SPRY3: variants seen among roughly 807,000 people sequenced by gnomAD.
SPRY3 encodes sprouty RTK signaling antagonist 3.
A neutral mutation model predicts 20.2 loss-of-function variants in SPRY3; 15 were observed. That is an observed-to-expected ratio of 0.74 (90% confidence interval 0.50 to 1.14). The LOEUF (loss-of-function observed/expected upper bound fraction) is 1.14, where lower values mean the gene tolerates loss of function less well. Among genes scored for constraint, SPRY3 ranks in the 50% most tolerant of loss-of-function variants. SPRY3 has a pLI of 0.00. For synonymous variants in SPRY3, 143 were observed against 136.5 expected (o/e 1.05, Z -0.33); for missense variants, 364 against 363.9 (o/e 1.00, Z 0.00).
At chrX:155,656,880 T>G (rs1368489147) in exon 2 of SPRY3, among the ~76,000 whole-genome samples, 5 of 111,808 alleles carry the variant, frequency 4.5e-5, no homozygotes, top group African/African-American at 1.6e-4. Flanking sequence ...TGCTGCAGTT[T>G]CCTGGAGGTC....
chrX:155,632,353 C>T (rs1201879600), intron 1 of SPRY3, among the ~76,000 whole-genome samples: 1 of 110,845 alleles, frequency 9.0e-6, no homozygotes, highest in African/African-American at 3.3e-5. Flanking sequence ...TCGCCTAGTG[C>T]TACATTAACA....
At chrX:155,655,279 C>T (rs2067988727) in intron 1 of SPRY3, among the ~76,000 whole-genome samples, 1 of 111,162 alleles carries the variant, frequency 9.0e-6, no homozygotes, top group African/African-American at 3.3e-5. Context: ...TTGTTAGATG[C>T]ATAGTTTGAA....
chrX:155,727,390 CAG>C (rs1291865888), intron 2 of SPRY3, among the ~76,000 whole-genome samples: 13 of 152,166 alleles, frequency 8.5e-5, no homozygotes, highest in Non-Finnish European at 1.5e-5. Context: ...TGATATCCTG[CAG>C]AGTGTTTTCC....
chrX:155,690,975 G>T lies in SPRY3; in HGVS notation c.-282+33950G>T, dbSNP rs186383987. Among the ~76,000 whole-genome samples the T allele has an allele frequency of 6.5e-4, 57 of 87,062 alleles. 8 individuals are homozygous for T. Among genetic ancestry groups the T allele is most frequent in the Non-Finnish European group, 9.2e-4 (43 of 46,593 alleles). The allele number at this position is 87,062 out of a possible 115,157, so 75.6% of individuals were successfully genotyped here. ...TACCAACTTTTTTCAAAGAGCAAAA[G>T]ATTTTAATTTTGATTAAGTTAAATT... On this transcript the variant is annotated intron_variant, in intron 2 of 3. Coordinates refer to ENST00000675360, the Ensembl canonical transcript of SPRY3.
At chrX:155,730,375 G>T (rs2091125171) in intron 2 of SPRY3, among the ~76,000 whole-genome samples, 1 of 152,120 alleles carries the variant, frequency 6.6e-6, no homozygotes, top group South Asian at 2.1e-4. Flanking sequence ...TGCAATGATG[G>T]TTCAACATAT....
At chrX:155,747,099 C>T (rs2091231096) in intron 2 of SPRY3, among the ~76,000 whole-genome samples, 1 of 151,866 alleles carries the variant, frequency 6.6e-6, no homozygotes, top group South Asian at 2.1e-4. Flanking sequence ...AATCACAGGA[C>T]GTCACACTTA....
chrX:155,659,053 A>G (rs1557353294), intron 2 of SPRY3, among the ~76,000 whole-genome samples: 1 of 111,301 alleles, frequency 9.0e-6, no homozygotes, highest in African/African-American at 3.3e-5. Flanking sequence ...GTGATGTATT[A>G]TCTTTTTGAA....
chrX:155,737,689 T>A (rs1382268335), intron 2 of SPRY3, among the ~76,000 whole-genome samples: 1 of 152,152 alleles, frequency 6.6e-6, no homozygotes, highest in Non-Finnish European at 1.5e-5. Flanking sequence ...GGATTGTGAA[T>A]GTGACTGGGG....
At chrX:155,766,169 C>G (rs1569398892) in intron 2 of SPRY3, among the ~76,000 whole-genome samples, 1 of 152,134 alleles carries the variant, frequency 6.6e-6, no homozygotes, top group Non-Finnish European at 1.5e-5. Context: ...ACACATATAC[C>G]TACATACATG....
intron 2 of SPRY3, among the ~76,000 whole-genome samples, chrX:155,671,293 A>ATC (rs782580977): frequency 1.4e-4 from 15 of 109,427 alleles, no homozygotes; most frequent in African/African-American, 2.0e-4. Context: ...CATTTTTTTA[A>ATC]TCTCTCTCTC....
At chrX:155,666,178 G>T (rs2068023991) in intron 2 of SPRY3, among the ~76,000 whole-genome samples, 1 of 111,597 alleles carries the variant, frequency 9.0e-6, no homozygotes, top group Non-Finnish European at 1.9e-5. Flanking sequence ...AAATGTAACT[G>T]GAGGAGACTG....
chrX:155,679,914 A>T (rs2068068706), intron 2 of SPRY3, among the ~76,000 whole-genome samples: 1 of 110,574 alleles, frequency 9.0e-6, no homozygotes, highest in Admixed American at 9.7e-5. Context: ...GAAGACATTC[A>T]AGGCAATGGA....
chrX:155,680,277 T>C (rs1221401720), intron 2 of SPRY3, among the ~76,000 whole-genome samples: 1 of 106,682 alleles, frequency 9.4e-6, no homozygotes, highest in Non-Finnish European at 1.9e-5. Flanking sequence ...ACTCTGGCCC[T>C]AGTATGGAGA....
chrX:155,713,306 T>C (rs2090999908), intron 2 of SPRY3, among the ~76,000 whole-genome samples: 1 of 152,104 alleles, frequency 6.6e-6, no homozygotes, highest in Admixed American at 6.6e-5. Context: ...GTGAGTTTTG[T>C]ACCTTTAAAT....
intron 2 of SPRY3, among the ~76,000 whole-genome samples, chrX:155,744,993 T>C (rs1348916691): frequency 6.6e-6 from 1 of 152,046 alleles, no homozygotes; most frequent in Non-Finnish European, 1.5e-5. Flanking sequence ...CTTTACTAAC[T>C]TCCAATAATA....
rs147011084 is a variant in SPRY3 at position 155,665,856 on chromosome X, C to T, written c.-282+8831C>T. On this transcript the variant is annotated intron_variant, in intron 2 of 3. Coordinates refer to ENST00000675360, the Ensembl canonical transcript of SPRY3. The stretch of plus-strand genomic sequence containing the variant: ...GTAAAATTAACAAAAATTTGGTGTC[C>T]GTTTAATCTCAATAGTGGATATATA... Among the ~76,000 whole-genome samples, 767 of 110,568 alleles carry T rather than the reference C, an allele frequency of 6.9e-3. 6 individuals carry two copies. Among genetic ancestry groups the T allele is most frequent in the African/African-American group, 0.024 (725 of 30,506 alleles).
downstream of SPRY3, chrX:155,778,619 G>C (rs1478697073): frequency 1.2e-5 from 2 of 166,996 alleles, no homozygotes; most frequent in Admixed American, 6.6e-5. Flanking sequence ...ATTATATTGA[G>C]AGCGCTCTTC....
At chrX:155,781,508 C>T (rs1250530607), downstream of SPRY3, 1 of 166,928 alleles carries the variant, frequency 6.0e-6, no homozygotes, top group African/African-American at 2.4e-5. Context: ...TACTCATAAC[C>T]ACACCGTGAG....
intron 1 of SPRY3, among the ~76,000 whole-genome samples, chrX:155,620,785 C>G (rs1381787979): frequency 9.0e-6 from 1 of 111,594 alleles, no homozygotes; most frequent in African/African-American, 3.3e-5. Context: ...TGTCAAAACT[C>G]GTTGACTTGT....
Sources: allele counts gnomAD v4.1 joint callset (sites outside exome capture counted in the v4.1 genomes callset), GRCh38; gene constraint gnomAD v4.1.1; transcripts MANE v1.5; gene names NCBI Gene and HGNC (gene_info 2026-07-23, HGNC 2026-07-21).